The following ERC2 variants were observed in gnomAD, a reference collection of about 807,000 sequenced individuals.
ERC2 encodes the protein ELKS/RAB6-interacting/CAST family member 2, also known as ERC protein 2.
Under a neutral mutation model 114.8 loss-of-function variants are expected in ERC2, and 42 were observed. That is an observed-to-expected ratio of 0.37 (90% CI 0.29 to 0.47). The LOEUF (loss-of-function observed/expected upper bound fraction) is 0.47. Ranked by LOEUF, ERC2 falls within the 20% of genes least tolerant of loss-of-function variation. The probability of loss-of-function intolerance (pLI) is 0.99; values close to 1 mark genes in which losing one functional copy is unlikely to be tolerated. For missense variants in ERC2, 939 were observed against 1,150.7 expected (o/e 0.82, Z 2.66); for synonymous variants, 454 against 425.5 (o/e 1.07, Z -0.82).
chr3:56,230,220 C>T (rs1412276988), intron 3 of ERC2, among the ~76,000 whole-genome samples: 1 of 152,026 alleles, frequency 6.6e-6, no homozygotes, highest in East Asian at 1.9e-4. Context: ...AGACATAATG[C>T]TGATTAAGAC....
At chr3:56,131,592 A>T (rs1454461098) in intron 6 of ERC2, among the ~76,000 whole-genome samples, 1 of 152,222 alleles carries the variant, frequency 6.6e-6, no homozygotes, top group East Asian at 1.9e-4. Flanking sequence ...TGAACTGATT[A>T]AAAAGGACTT....
At chr3:55,758,227 A>G (rs1187152950) in intron 14 of ERC2, among the ~76,000 whole-genome samples, 3 of 152,234 alleles carry the variant, frequency 2.0e-5, no homozygotes, top group Admixed American at 6.5e-5. Context: ...AAAAAGCTGT[A>G]TCTACGAAAT....
At chr3:56,399,155 T>C (rs2060427297) in intron 2 of ERC2, among the ~76,000 whole-genome samples, 1 of 152,234 alleles carries the variant, frequency 6.6e-6, no homozygotes, top group Non-Finnish European at 1.5e-5. Context: ...GCTTAATGAA[T>C]TGAATTTTTC....
At chr3:56,112,881 A>G (rs2079035315) in intron 6 of ERC2, among the ~76,000 whole-genome samples, 1 of 152,190 alleles carries the variant, frequency 6.6e-6, no homozygotes, top group Non-Finnish European at 1.5e-5. Flanking sequence ...AAGTTCAAGC[A>G]GTAGCCGATA....
intron 2 of ERC2, among the ~76,000 whole-genome samples, chr3:56,417,964 C>T (rs2061233219): frequency 6.6e-6 from 1 of 152,080 alleles, no homozygotes; most frequent in Admixed American, 6.5e-5. Context: ...GAGACTATCC[C>T]ATTTAGGTTC....
At chr3:55,726,342 C>T (rs2064914566) in intron 15 of ERC2, among the ~76,000 whole-genome samples, 1 of 152,216 alleles carries the variant, frequency 6.6e-6, no homozygotes, top group Non-Finnish European at 1.5e-5. Flanking sequence ...CTGTGCTAAC[C>T]TCCTGAACCA....
intron 3 of ERC2, among the ~76,000 whole-genome samples, chr3:56,192,318 A>G (rs561501093): frequency 6.6e-6 from 1 of 152,292 alleles, no homozygotes; most frequent in East Asian, 1.9e-4. Context: ...CCATGTTTAA[A>G]ATGAGGTTAA....
At chr3:55,829,165 AG>A (rs2060464560) in intron 14 of ERC2, among the ~76,000 whole-genome samples, 1 of 152,200 alleles carries the variant, frequency 6.6e-6, no homozygotes, top group Non-Finnish European at 1.5e-5. Flanking sequence ...TATAAAAAAT[AG>A]GAAAGTGTAA....
chr3:55,856,886 A>G (rs1309232420), intron 14 of ERC2, among the ~76,000 whole-genome samples: 1 of 152,256 alleles, frequency 6.6e-6, no homozygotes, highest in African/African-American at 2.4e-5. Context: ...CCTTGAAAAC[A>G]TTATGCTCTA....
intron 3 of ERC2, among the ~76,000 whole-genome samples, chr3:56,212,738 T>C (rs1272180107): frequency 1.3e-5 from 2 of 149,294 alleles, no homozygotes; most frequent in African/African-American, 2.5e-5. Flanking sequence ...ACAGAAAATA[T>C]GATATATATA....
chr3:55,748,233 T>G (rs1257672213), intron 14 of ERC2, among the ~76,000 whole-genome samples: 7 of 152,236 alleles, frequency 4.6e-5, no homozygotes, highest in Admixed American at 4.6e-4. Flanking sequence ...AACTCCAACC[T>G]GAAGCAGCTA....
At chr3:55,633,533 C>A (rs1195867798) in intron 17 of ERC2, among the ~76,000 whole-genome samples, 1 of 152,168 alleles carries the variant, frequency 6.6e-6, no homozygotes, top group Admixed American at 6.5e-5. Flanking sequence ...TCGGGGACTG[C>A]TCCTTATTTC....
At chr3:56,292,752 C>T (rs1035392145) in intron 3 of ERC2, among the ~76,000 whole-genome samples, 2 of 152,154 alleles carry the variant, frequency 1.3e-5, no homozygotes, top group Non-Finnish European at 2.9e-5. Context: ...GGCAAAGTAA[C>T]AGCACCTACC....
rs369901241 is a variant in ERC2 at position 55,636,245 on chromosome 3, T to C, written c.*39+47549A>G. ...TCTTCCTTTCTCACAGTAATCCATA[T>C]TCACAGGGCAGAATAAGGACAAACA... is the stretch of plus-strand genomic sequence containing the variant. On this transcript the variant is annotated intron_variant, in intron 17 of 17. Transcript: ENST00000288221. Among the ~76,000 whole-genome samples, 12 of 152,206 alleles carry C rather than the reference T, an allele frequency of 7.9e-5. No homozygotes were observed. The East Asian group carries it at 9.6e-4, about 12-fold the overall frequency.
At chr3:56,394,852 C>T (rs6445787) in intron 2 of ERC2, among the ~76,000 whole-genome samples, 46,146 of 151,776 alleles carry the variant, frequency 0.3, 7,182 homozygotes, top group African/African-American at 0.33. Context: ...CCAGCAATTC[C>T]AAATCTAGTA....
intron 1 of ERC2, among the ~76,000 whole-genome samples, chr3:56,465,549 A>C (rs1031689272): frequency 3.9e-5 from 6 of 152,238 alleles, no homozygotes; most frequent in Non-Finnish European, 8.8e-5. Flanking sequence ...AGACAACTGA[A>C]GGATGTTAAG....
intron 13 of ERC2, among the ~76,000 whole-genome samples, chr3:55,914,254 C>T (rs760524039): frequency 6.6e-6 from 1 of 152,144 alleles, no homozygotes; most frequent in Non-Finnish European, 1.5e-5. Context: ...TCCCACCAAC[C>T]AGAGCCACGC....
At chr3:55,975,704 C>T (rs2069530299) in intron 12 of ERC2, among the ~76,000 whole-genome samples, 1 of 152,150 alleles carries the variant, frequency 6.6e-6, no homozygotes, top group South Asian at 2.1e-4. Context: ...TCAAAAAGTT[C>T]AAAATCTTTT....
chr3:55,689,567 T>C (rs1422059317), intron 16 of ERC2, among the ~76,000 whole-genome samples: 2 of 152,200 alleles, frequency 1.3e-5, no homozygotes, highest in Non-Finnish European at 2.9e-5. Context: ...CTTGGCTTTG[T>C]TAAACAAAGT....
Sources: allele counts gnomAD v4.1 joint callset (sites outside exome capture counted in the v4.1 genomes callset), GRCh38; gene constraint gnomAD v4.1.1; transcripts MANE v1.5; gene names NCBI Gene and HGNC (gene_info 2026-07-23, HGNC 2026-07-21).